SEPTIN10: variants seen among roughly 807,000 people sequenced by gnomAD.
SEPTIN10 encodes septin 10.
SEPTIN10 carries 66 observed loss-of-function variants against 54.8 expected under a neutral mutation model. The observed-to-expected ratio is 1.21, with a 90% CI of 0.99 to 1.48. The LOEUF is 1.48. SEPTIN10 is among the 40% of genes most tolerant of loss of function. SEPTIN10 has a pLI of 0.00. For missense variants in SEPTIN10, 620 were observed against 545.6 expected, an observed-to-expected ratio of 1.14 and a Z score of -1.36; for synonymous variants, 161 against 181.0, an observed-to-expected ratio of 0.89 and a Z score of 0.89.
chr2:109,603,699 A>G (rs1010347129), intron 1 of SEPTIN10, among the ~76,000 whole-genome samples: 2 of 152,198 alleles, frequency 1.3e-5, no homozygotes, highest in African/African-American at 2.4e-5. Context: ...CTCAGGGTAT[A>G]ATGAAATCTA....
At chr2:109,613,198 A>G (rs900546506) in intron 1 of SEPTIN10, 12 of 1,286,846 alleles carry the variant, frequency 9.3e-6, no homozygotes, top group Non-Finnish European at 1.2e-5. Flanking sequence ...CCGCTGGCTT[A>G]CTAACAAGCG....
chr2:109,548,775 C>CAAAAAAAAAA (rs57096452), intron 9 of SEPTIN10, among the ~76,000 whole-genome samples: 3 of 63,594 alleles, frequency 4.7e-5, no homozygotes, highest in Non-Finnish European at 9.0e-5. Flanking sequence ...GGCTCCATCT[C>CAAAAAAAAAA]AAAAAAAAAA....
At position 109,545,845 on chromosome 2, in the gene SEPTIN10, A is replaced by G. The variant is rs1681068844; in HGVS notation, c.1349+205T>C. The G allele has an allele frequency of 3.5e-6, 5 of 1,437,222 alleles. No individual in the cohort carries two copies. In the South Asian group the frequency reaches 6.2e-5, roughly 18 times the overall value. The allele number at this position is 1,437,222 out of a possible 1,614,324, so 89.0% of individuals were successfully genotyped here. ...ATTCATTTTGGCAAATACTGAACAC[A>G]TAACATGTGCCAGGTGCTGTTCTGG... On this transcript the variant is annotated intron_variant, in intron 10 of 10. Coordinates refer to ENST00000397712, the MANE Select transcript of SEPTIN10 (RefSeq NM_144710.5).
At chr2:109,613,078 C>T (rs779272383) in intron 1 of SEPTIN10, 1 of 678,626 alleles carries the variant, frequency 1.5e-6, no homozygotes, top group South Asian at 1.5e-5. Flanking sequence ...ACACAGGCAT[C>T]GGGCCTCCAA....
chr2:109,582,018 T>C (rs1288512022), intron 4 of SEPTIN10, among the ~76,000 whole-genome samples: 1 of 152,016 alleles, frequency 6.6e-6, no homozygotes, highest in Non-Finnish European at 1.5e-5. Flanking sequence ...AGCATTTCTG[T>C]ATATCAATAA....
rs151201526 is a variant in SEPTIN10 at position 109,550,319 on chromosome 2, T to G, written c.1161+2768A>C. On this transcript the variant is annotated intron_variant, in intron 9 of 10. Coordinates refer to ENST00000397712, the MANE Select transcript of SEPTIN10 (RefSeq NM_144710.5). ...AAACAAAAAAAAAGTATCTTTTTTT[T>G]TTTTGTTTTTTGAGACGGATTCTCG... is the stretch of plus-strand genomic sequence containing the variant. Among the ~76,000 whole-genome samples, 834 of 148,598 alleles carry G rather than the reference T, an allele frequency of 5.6e-3. 12 individuals carry two copies. The South Asian group carries it at 0.056, about 10-fold the overall frequency.
chr2:109,585,697 A>G (rs771608031), intron 3 of SEPTIN10, 24 bp downstream of exon 3: 1 of 1,475,340 alleles, frequency 6.8e-7, no homozygotes, highest in Admixed American at 1.7e-5. Context: ...GGAACAACTT[A>G]GAGGAAGAGT....
intron 5 of SEPTIN10, among the ~76,000 whole-genome samples, chr2:109,571,672 C>T (rs1688426341): frequency 6.6e-6 from 1 of 152,178 alleles, no homozygotes; most frequent in Admixed American, 6.5e-5. Context: ...GACTGTCCTA[C>T]ACTATTTTAT....
chr2:109,606,977 A>G (rs1698137694), intron 1 of SEPTIN10, among the ~76,000 whole-genome samples: 1 of 152,196 alleles, frequency 6.6e-6, no homozygotes, highest in Admixed American at 6.5e-5. Context: ...TGAATAGTGA[A>G]GAATTGAAAG....
chr2:109,612,297 A>C (rs1699421226), intron 1 of SEPTIN10, among the ~76,000 whole-genome samples: 1 of 152,200 alleles, frequency 6.6e-6, no homozygotes, highest in East Asian at 1.9e-4. Context: ...GTCTGGGGTT[A>C]AGAAGGAGGC....
chr2:109,592,192 T>C (rs1367458389), intron 2 of SEPTIN10, among the ~76,000 whole-genome samples: 1 of 151,818 alleles, frequency 6.6e-6, no homozygotes, highest in Non-Finnish European at 1.5e-5. Flanking sequence ...CGGCCGGGCG[T>C]GGTGGCTCAC....
At chr2:109,581,767 C>G (rs1691204886) in intron 4 of SEPTIN10, among the ~76,000 whole-genome samples, 1 of 152,118 alleles carries the variant, frequency 6.6e-6, no homozygotes, top group Admixed American at 6.5e-5. Flanking sequence ...AGAACTGAAA[C>G]AAGATATGCC....
rs1354470745 is a variant in SEPTIN10, at chr2:109,613,936, G to A, written c.-109C>T. The A allele has an allele frequency of 9.9e-6, 12 of 1,218,092 alleles. No homozygotes were observed. The highest frequency in any genetic ancestry group is 1.6e-5 in the African/African-American group (1 of 63,742). The allele number at this position is 1,218,092 out of a possible 1,614,324, so 75.5% of individuals were successfully genotyped here. On this transcript the variant is annotated 5_prime_UTR_variant, in exon 1 of 11. Coordinates refer to ENST00000397712, the MANE Select transcript of SEPTIN10 (RefSeq NM_144710.5). ...AGGGCAGAAGCAACGGGCGGGGCGCGAGGCTAGGCTGCCTCCGCGACGGGG... is the reference window on the plus strand; with the variant it reads ...AGGGCAGAAGCAACGGGCGGGGCGCAAGGCTAGGCTGCCTCCGCGACGGGG...
intron 1 of SEPTIN10, among the ~76,000 whole-genome samples, chr2:109,602,121 T>A (rs1157276936): frequency 6.6e-6 from 1 of 152,172 alleles, no homozygotes; most frequent in African/African-American, 2.4e-5. Flanking sequence ...CAGTAACCCC[T>A]ATCAATACTA....
intron 2 of SEPTIN10, among the ~76,000 whole-genome samples, chr2:109,591,049 T>C (rs1337312665): frequency 6.6e-6 from 1 of 152,214 alleles, no homozygotes; most frequent in Admixed American, 6.5e-5. Context: ...GCTAAATTTG[T>C]GACGATTTGT....
intron 1 of SEPTIN10, among the ~76,000 whole-genome samples, chr2:109,595,207 A>G (rs1311214503): frequency 6.6e-6 from 1 of 152,148 alleles, no homozygotes; most frequent in Non-Finnish European, 1.5e-5. Context: ...TCAAATCCTA[A>G]GTTTTTCCAA....
intron 1 of SEPTIN10, among the ~76,000 whole-genome samples, chr2:109,604,450 G>C (rs1186696806): frequency 1.4e-5 from 2 of 147,612 alleles, no homozygotes; most frequent in Non-Finnish European, 3.0e-5. Flanking sequence ...AAAGAGGCCG[G>C]GCGTGGTGGC....
intron 8 of SEPTIN10, among the ~76,000 whole-genome samples, chr2:109,557,835 T>C (rs923514343): frequency 2.0e-5 from 3 of 151,672 alleles, no homozygotes; most frequent in African/African-American, 7.2e-5. Flanking sequence ...TAAAAGTAGC[T>C]TGCTGTCATA....
intron 10 of SEPTIN10, chr2:109,545,399 C>T (rs1045289947): frequency 4.6e-5 from 71 of 1,535,490 alleles, no homozygotes; most frequent in Middle Eastern, 3.3e-4. Flanking sequence ...AACCTACACG[C>T]CTTGCGATTA....
Sources: allele counts gnomAD v4.1 joint callset (sites outside exome capture counted in the v4.1 genomes callset), GRCh38; gene constraint gnomAD v4.1.1; transcripts MANE v1.5; gene names NCBI Gene and HGNC (gene_info 2026-07-23, HGNC 2026-07-21).